MARCHF4: variants seen among roughly 807,000 people sequenced by gnomAD.
MARCHF4 encodes E3 ubiquitin-protein ligase MARCHF4.
A neutral mutation model predicts 43.9 loss-of-function variants in MARCHF4; 14 were observed. The ratio of observed to expected loss-of-function variants is 0.32; its 90% CI spans 0.21 to 0.50. The LOEUF (loss-of-function observed/expected upper bound fraction) is 0.50. Ranked by LOEUF, MARCHF4 falls within the 20% of genes least tolerant of loss-of-function variation. The probability of loss-of-function intolerance (pLI) is 0.98; values close to 1 mark genes in which losing one functional copy is unlikely to be tolerated. For missense variants in MARCHF4, 468 were observed against 536.7 expected, an observed-to-expected ratio of 0.87 and a Z score of 1.27; for synonymous variants, 226 against 213.3, an observed-to-expected ratio of 1.06 and a Z score of -0.52.
At chr2:216,276,699 C>T (rs1028999036) in intron 3 of MARCHF4, among the ~76,000 whole-genome samples, 1 of 152,276 alleles carries the variant, frequency 6.6e-6, no homozygotes, top group Middle Eastern at 3.4e-3. Flanking sequence ...ACTAACAACA[C>T]CGGGAGAGGA....
At chr2:216,263,632 G>T (rs1690790001) in intron 3 of MARCHF4, among the ~76,000 whole-genome samples, 1 of 152,152 alleles carries the variant, frequency 6.6e-6, no homozygotes, top group Admixed American at 6.5e-5. Flanking sequence ...GAAGCATGAA[G>T]GAAGAGAAGT....
In MARCHF4 at chr2:216,350,165, T is replaced by C. The variant is rs1559105413; in HGVS notation, c.516+19580A>G. ...ACACCACCACGACCATGCTATGCCA[T>C]GGCATTACACTGTGCCACAACACAA... is the stretch of plus-strand genomic sequence containing the variant. On this transcript the variant is annotated intron_variant, in intron 1 of 3. Coordinates refer to ENST00000273067, the MANE Select transcript of MARCHF4 (RefSeq NM_020814.3). 3.3e-5 allele frequency among the ~76,000 whole-genome samples: 5 copies of C among 150,490 alleles called. 1 individual carries two copies. The highest frequency in any genetic ancestry group is 2.6e-4 in the Admixed American group (4 of 15,150).
At chr2:216,348,059 C>T (rs1178399557) in intron 1 of MARCHF4, among the ~76,000 whole-genome samples, 129 of 108,698 alleles carry the variant, frequency 1.2e-3, no homozygotes, top group Non-Finnish European at 1.2e-3. Context: ...TTTTTTTAGA[C>T]AGAGTTTCGC....
At chr2:216,268,411 G>A (rs1690879677) in intron 3 of MARCHF4, among the ~76,000 whole-genome samples, 1 of 152,216 alleles carries the variant, frequency 6.6e-6, no homozygotes, top group Non-Finnish European at 1.5e-5. Flanking sequence ...CATGTCAAGG[G>A]AGGGAGGTGA....
chr2:216,339,963 G>A (rs550500792), intron 1 of MARCHF4, among the ~76,000 whole-genome samples: 78 of 152,062 alleles, frequency 5.1e-4, no homozygotes, highest in South Asian at 2.5e-3. Flanking sequence ...GCAGCAGCTG[G>A]CTCCCTCCCT....
At chr2:216,280,643 T>G (rs1455820593) in intron 2 of MARCHF4, among the ~76,000 whole-genome samples, 1 of 152,196 alleles carries the variant, frequency 6.6e-6, no homozygotes, top group Non-Finnish European at 1.5e-5. Context: ...AACGTGCCTG[T>G]GCAGAAGTTA....
intron 1 of MARCHF4, among the ~76,000 whole-genome samples, chr2:216,300,337 G>GATAT (rs67724586): frequency 1.1e-4 from 14 of 124,180 alleles, no homozygotes; most frequent in South Asian, 1.1e-3. Flanking sequence ...TGTCCATCTC[G>GATAT]ATATATATAT....
At chr2:216,341,492 T>C (rs539170503) in intron 1 of MARCHF4, among the ~76,000 whole-genome samples, 2 of 152,224 alleles carry the variant, frequency 1.3e-5, no homozygotes, top group African/African-American at 4.8e-5. Context: ...GGGAGGGCCC[T>C]CTTCTGTTAG....
At chr2:216,320,611 CTTTCTT>C (rs1245847118) in intron 1 of MARCHF4, among the ~76,000 whole-genome samples, 1 of 16,382 alleles carries the variant, frequency 6.1e-5, no homozygotes, top group Non-Finnish European at 1.2e-4. Context: ...GCCTCTTTTT[CTTTCTT>C]TCTTTCTTTC....
intron 1 of MARCHF4, among the ~76,000 whole-genome samples, chr2:216,285,001 C>T (rs2105941656): frequency 6.6e-6 from 1 of 152,270 alleles, no homozygotes; most frequent in African/African-American, 2.4e-5. Flanking sequence ...TGTTAGCACA[C>T]TTGGCACATC....
At chr2:216,275,221 A>C (rs1265461229) in intron 3 of MARCHF4, among the ~76,000 whole-genome samples, 1 of 152,202 alleles carries the variant, frequency 6.6e-6, no homozygotes, top group Non-Finnish European at 1.5e-5. Context: ...GCCAGGGAAA[A>C]GGCAGGCAGC....
At chr2:216,289,189 G>A (rs968948353) in intron 1 of MARCHF4, among the ~76,000 whole-genome samples, 8 of 151,254 alleles carry the variant, frequency 5.3e-5, no homozygotes, top group Middle Eastern at 3.2e-3. Context: ...TTATATTAAC[G>A]AGCTTTACTC....
At chr2:216,273,567 C>T (rs1410458857) in intron 3 of MARCHF4, among the ~76,000 whole-genome samples, 4 of 152,170 alleles carry the variant, frequency 2.6e-5, no homozygotes, top group African/African-American at 9.7e-5. Context: ...AAATCCCTTC[C>T]ACCCACTCTC....
rs1691043939 is a variant in MARCHF4, at chr2:216,277,450, C to T, written c.865+222G>A. The stretch of plus-strand genomic sequence containing the variant: ...CATCTTTATCTTCAACTGTGCAAGA[C>T]AGGTTTGTTTGGGAAAGATCTAGAT... On this transcript the variant is annotated intron_variant, in intron 3 of 3. Transcript: ENST00000273067. Among the ~76,000 whole-genome samples the T allele has an allele frequency of 2.0e-5, 3 of 152,152 alleles. No individual in the cohort carries two copies. In the South Asian group the frequency reaches 6.2e-4, roughly 32 times the overall value.
chr2:216,275,404 C>T (rs1172022921), intron 3 of MARCHF4, among the ~76,000 whole-genome samples: 1 of 151,962 alleles, frequency 6.6e-6, no homozygotes, highest in Non-Finnish European at 1.5e-5. Context: ...GTGAGTGGGC[C>T]CAGGTGCACT....
chr2:216,301,552 G>A (rs1310370010), intron 1 of MARCHF4, among the ~76,000 whole-genome samples: 2 of 152,178 alleles, frequency 1.3e-5, no homozygotes, highest in Admixed American at 6.5e-5. Context: ...CTGTACTGTT[G>A]TTTCAGAGCA....
At chr2:216,356,884 G>A (rs913685523) in intron 1 of MARCHF4, among the ~76,000 whole-genome samples, 3 of 152,026 alleles carry the variant, frequency 2.0e-5, no homozygotes, top group South Asian at 2.1e-4. Flanking sequence ...TTAGCTGGGC[G>A]TGGTGGCAGG....
At chr2:216,302,366 C>T (rs1198013810) in intron 1 of MARCHF4, among the ~76,000 whole-genome samples, 3 of 150,450 alleles carry the variant, frequency 2.0e-5, no homozygotes, top group Non-Finnish European at 4.4e-5. Context: ...CTACAGGCGC[C>T]TGCCACCACG....
At chr2:216,337,204 G>T (rs1398833733) in intron 1 of MARCHF4, among the ~76,000 whole-genome samples, 1 of 148,776 alleles carries the variant, frequency 6.7e-6, no homozygotes, top group Non-Finnish European at 1.5e-5. Flanking sequence ...TGTGCAAAAA[G>T]ATCAGGCTAC....
Sources: allele counts gnomAD v4.1 joint callset (sites outside exome capture counted in the v4.1 genomes callset), GRCh38; gene constraint gnomAD v4.1.1; transcripts MANE v1.5; gene names NCBI Gene and HGNC (gene_info 2026-07-23, HGNC 2026-07-21).